CDC14A: variants seen among roughly 807,000 people sequenced by gnomAD.
CDC14A encodes the protein dual specificity protein phosphatase CDC14A.
In CDC14A, 53 loss-of-function variants were observed where a neutral mutation model predicts 74.4. The ratio of observed to expected loss-of-function variants is 0.71; its 90% CI spans 0.57 to 0.89. CDC14A has a LOEUF of 0.89. Among genes scored for constraint, CDC14A ranks in the 40% least tolerant of loss-of-function variants. The pLI, the probability that CDC14A is intolerant of heterozygous loss-of-function variation, is 0.00. For synonymous variants in CDC14A, 247 were observed against 258.4 expected, an observed-to-expected ratio of 0.96 and a Z score of 0.43; for missense variants, 646 against 713.7, an observed-to-expected ratio of 0.91 and a Z score of 1.08.
chr1:100,454,281 G>A (rs1334483076), intron 7 of CDC14A, among the ~76,000 whole-genome samples: 1 of 151,384 alleles, frequency 6.6e-6, no homozygotes, highest in Non-Finnish European at 1.5e-5. Context: ...TATATGGATG[G>A]TAACGGATGG....
intron 4 of CDC14A, among the ~76,000 whole-genome samples, chr1:100,406,067 C>T (rs1027612992): frequency 2.0e-5 from 3 of 152,140 alleles, no homozygotes; most frequent in Non-Finnish European, 2.9e-5. Context: ...TAGTAATAGC[C>T]GTTCTCACTG....
At chr1:100,511,484 T>C (rs959963406) in intron 15 of CDC14A, among the ~76,000 whole-genome samples, 7 of 152,236 alleles carry the variant, frequency 4.6e-5, no homozygotes, top group Non-Finnish European at 1.0e-4. Flanking sequence ...ACATTGGCTC[T>C]TTCTCTTTGG....
Position 100,463,897 on chromosome 1 carries a change from G to C in CDC14A, c.838+1016G>C, listed in dbSNP as rs471849. Among the ~76,000 whole-genome samples, 14 of 152,098 alleles carry C rather than the reference G, an allele frequency of 9.2e-5. No homozygotes were observed. The East Asian group carries it at 2.7e-3, about 29-fold the overall frequency. On this transcript the variant is annotated intron_variant, in intron 9 of 15. Transcript: ENST00000336454. ...CTCATGTGCAGCTCCTCCTAGTGTC[G>C]CTGGGTGGTGCTGTGCTTATGGTTT...
chr1:100,520,122 A>G lies in CDC14A; in HGVS notation c.*1842A>G, dbSNP rs543713350. The G allele has an allele frequency of 5.2e-5, 8 of 152,680 alleles. No individual in the cohort carries two copies. The highest frequency in any genetic ancestry group is 1.7e-4 in the African/African-American group (7 of 41,568). 9.5% of individuals were successfully genotyped at this position (152,680 alleles called of 1,614,324 possible). A position where few individuals can be genotyped will look rare whatever the true frequency, so the allele number is the denominator to read the frequency against. ...ACACCAAGAAGTGGATGTATATAAT[A>G]TAGAAAGTATATAGCAAAGTAATTT... On this transcript the variant is annotated 3_prime_UTR_variant, in exon 16 of 16. Coordinates refer to ENST00000336454, the MANE Select transcript of CDC14A (RefSeq NM_003672.4).
chr1:100,438,962 G>T (rs1664627703), intron 5 of CDC14A, among the ~76,000 whole-genome samples: 1 of 152,212 alleles, frequency 6.6e-6, no homozygotes, highest in South Asian at 2.1e-4. Flanking sequence ...AGCAGTGGAG[G>T]CTGGGCAGAG....
intron 2 of CDC14A, among the ~76,000 whole-genome samples, chr1:100,364,497 C>T (rs1369473409): frequency 2.6e-5 from 4 of 152,130 alleles, no homozygotes; most frequent in South Asian, 2.1e-4. Flanking sequence ...CAGGCGGAGC[C>T]GTTGCCCCCG....
chr1:100,458,351 C>A (rs1666939694), intron 8 of CDC14A, among the ~76,000 whole-genome samples: 1 of 152,118 alleles, frequency 6.6e-6, no homozygotes, highest in African/African-American at 2.4e-5. Context: ...TTAAAAACAT[C>A]ATATAATCAA....
intron 4 of CDC14A, among the ~76,000 whole-genome samples, chr1:100,415,457 G>A (rs1054925185): frequency 8.5e-5 from 13 of 152,184 alleles, no homozygotes; most frequent in Non-Finnish European, 1.2e-4. Context: ...GTAGAAATAA[G>A]TGATGTCTAT....
In CDC14A at chr1:100,495,149, C is replaced by T. The variant is rs190274139; in HGVS notation, c.1250+219C>T. 1.4e-3 allele frequency among the ~76,000 whole-genome samples: 206 copies of T among 152,316 alleles called. 1 individual carries two copies. Among genetic ancestry groups the T allele is most frequent in the Admixed American group, 2.1e-3 (32 of 15,304 alleles). ...TGCTGCCATCTCAGTCTCTGGAATT[C>T]TACCTTAAGCTGCAAAGCAGTTATC... On this transcript the variant is annotated intron_variant, in intron 12 of 15. Coordinates refer to ENST00000336454, the MANE Select transcript of CDC14A (RefSeq NM_003672.4).
At chr1:100,512,928 T>C (rs1460733225) in intron 15 of CDC14A, among the ~76,000 whole-genome samples, 1 of 152,180 alleles carries the variant, frequency 6.6e-6, no homozygotes, top group Non-Finnish European at 1.5e-5. Context: ...GGCAAATTCT[T>C]TCAGTATTGT....
At position 100,383,194 on chromosome 1, in the gene CDC14A, A is replaced by G. The variant is rs116418165; in HGVS notation, c.216+5573A>G. Among the ~76,000 whole-genome samples the G allele has an allele frequency of 2.9e-3, 442 of 152,322 alleles. 2 individuals carry two copies. Among genetic ancestry groups the G allele is most frequent in the African/African-American group, 0.01 (419 of 41,586 alleles). On this transcript the variant is annotated intron_variant, in intron 3 of 15. Transcript: ENST00000336454. ...AAGGCAAGAACCCCTTATGCCTGTT[A>G]GGAATCCTCAGGCAGGAAGAACCCC...
intron 9 of CDC14A, among the ~76,000 whole-genome samples, chr1:100,464,913 T>A (rs996744050): frequency 6.7e-6 from 1 of 150,132 alleles, no homozygotes; most frequent in Non-Finnish European, 1.5e-5. Context: ...GCAAATTTCT[T>A]TTCTTTTCTT....
chr1:100,477,005 T>C lies in CDC14A; in HGVS notation c.978-7287T>C, dbSNP rs1668969851. ...TGATGACTGAAACAGATTGGACTGA[T>C]GCATTTTAAAGATGGAGTAAGGAGC... On this transcript the variant is annotated intron_variant, in intron 10 of 15. Transcript: ENST00000336454. 2.0e-5 allele frequency among the ~76,000 whole-genome samples: 3 copies of C among 152,154 alleles called. No homozygotes were observed. In the South Asian group the frequency reaches 6.2e-4, roughly 32 times the overall value.
chr1:100,484,163 T>C, intron 10 of CDC14A, 129 bp from the exon 11 acceptor site: 1 of 515,464 alleles, frequency 1.9e-6, no homozygotes. Flanking sequence ...ATAATCTTTC[T>C]AGTCTGATTT....
intron 7 of CDC14A, among the ~76,000 whole-genome samples, chr1:100,450,635 C>T (rs1309130010): frequency 1.3e-5 from 2 of 152,160 alleles, no homozygotes; most frequent in African/African-American, 4.8e-5. Flanking sequence ...TACTTCCTGG[C>T]CACCGCAACT....
At chr1:100,359,857 G>T (rs993655144) in intron 2 of CDC14A, among the ~76,000 whole-genome samples, 3 of 150,684 alleles carry the variant, frequency 2.0e-5, no homozygotes, top group Admixed American at 2.0e-4. Context: ...AAAGATGGTA[G>T]TTTATAGTTT....
chr1:100,385,150 G>A (rs572345470), intron 3 of CDC14A, among the ~76,000 whole-genome samples: 133 of 152,260 alleles, frequency 8.7e-4, no homozygotes, highest in African/African-American at 3.1e-3. Flanking sequence ...GAGTTCTTTC[G>A]AGACTACTTG....
rs76511788 is a variant in CDC14A, at chr1:100,437,217, C to T, written c.390-2715C>T. 1.8e-4 allele frequency among the ~76,000 whole-genome samples: 27 copies of T among 152,192 alleles called. 1 individual carries two copies. The East Asian group carries it at 3.3e-3, about 19-fold the overall frequency. ...AAAAAAATCTCCTTTTAGTGGGGTTCGGTAGATGCATGGGTTCAATCTTCC... is the reference window on the plus strand; with the variant it reads ...AAAAAAATCTCCTTTTAGTGGGGTTTGGTAGATGCATGGGTTCAATCTTCC... On this transcript the variant is annotated intron_variant, in intron 5 of 15. Coordinates refer to ENST00000336454, the MANE Select transcript of CDC14A (RefSeq NM_003672.4).
At chr1:100,412,023 G>A (rs923962125) in intron 4 of CDC14A, among the ~76,000 whole-genome samples, 5 of 152,192 alleles carry the variant, frequency 3.3e-5, no homozygotes, top group Admixed American at 1.3e-4. Flanking sequence ...CCAAGACAAA[G>A]CTGCTGTGGC....
Sources: gnomAD v4.1 joint callset for allele counts (sites outside exome capture counted in the v4.1 genomes callset) on GRCh38, gnomAD v4.1.1 for gene constraint, MANE v1.5 for transcripts, NCBI Gene and HGNC (gene_info 2026-07-23, HGNC 2026-07-21) for gene names.